Variants in NHERF1 observed in about 807,000 individuals in gnomAD.
The protein encoded by NHERF1 is NHERF family PDZ scaffold protein 1.
chr17:74,765,479 C>T, the NHERF1 span, among the ~76,000 whole-genome samples: 2 of 150,762 alleles, frequency 1.3e-5, no homozygotes, highest in Admixed American at 6.6e-5. Context: ...AGGATGGTCT[C>T]GATCTCTTGA....
the NHERF1 span, chr17:74,763,627 C>T: frequency 8.7e-7 from 1 of 1,150,060 alleles, no homozygotes; most frequent in Non-Finnish European, 1.3e-6. Context: ...GGGCAGCTTC[C>T]CGGCATGGGT....
chr17:74,764,365 C>T, the NHERF1 span, among the ~76,000 whole-genome samples: 5 of 152,206 alleles, frequency 3.3e-5, no homozygotes, highest in African/African-American at 4.8e-5. The surrounding 1 kb of genome is among the most constrained non-coding windows in gnomAD (Gnocchi z 4.9). Context: ...CCCCTTCTGG[C>T]GCAATCCAAG....
the NHERF1 span, among the ~76,000 whole-genome samples, chr17:74,751,360 A>G: frequency 6.6e-6 from 1 of 152,254 alleles, no homozygotes; most frequent in Non-Finnish European, 1.5e-5. The surrounding 1 kb of genome is among the most constrained non-coding windows in gnomAD (Gnocchi z 4.3). Flanking sequence ...CGTTTCCTAC[A>G]TAAAGCATCA....
the NHERF1 span, among the ~76,000 whole-genome samples, chr17:74,749,473 C>G: frequency 6.6e-6 from 1 of 152,204 alleles, no homozygotes; most frequent in Non-Finnish European, 1.5e-5. This position sits in a 1 kb window ranked among gnomAD's most constrained non-coding sequence, Gnocchi z 5.6. Context: ...GGGGCTGCGT[C>G]CCGCGACCTC....
At chr17:74,757,551 G>A in the NHERF1 span, among the ~76,000 whole-genome samples, 1 of 152,076 alleles carries the variant, frequency 6.6e-6, no homozygotes, top group South Asian at 2.1e-4. Context: ...CTGAGTGCCT[G>A]GAGCCCCTGG....
the NHERF1 span, among the ~76,000 whole-genome samples, chr17:74,760,005 G>A: frequency 2.0e-5 from 3 of 152,206 alleles, no homozygotes; most frequent in Non-Finnish European, 1.5e-5. The surrounding 1 kb of genome is among the most constrained non-coding windows in gnomAD (Gnocchi z 4.5). Context: ...GCTGCCCCCT[G>A]CCTGTCCTGA....
chr17:74,763,312 C>A, the NHERF1 span: 1 of 1,559,542 alleles, frequency 6.4e-7, no homozygotes, highest in Non-Finnish European at 8.7e-7. Flanking sequence ...CCTCCACTTA[C>A]CTGCCCCAGA....
At chr17:74,756,549 G>T in the NHERF1 span, among the ~76,000 whole-genome samples, 2 of 152,100 alleles carry the variant, frequency 1.3e-5, no homozygotes, top group Admixed American at 6.6e-5. Flanking sequence ...AAAATGCTGG[G>T]ATTACAAGTG....
the NHERF1 span, chr17:74,768,875 C>T: frequency 3.5e-6 from 2 of 576,250 alleles, no homozygotes; most frequent in African/African-American, 1.9e-5. Context: ...CTGCCTCCCT[C>T]CTCCTCACTG....
the NHERF1 span, among the ~76,000 whole-genome samples, chr17:74,750,968 G>A: frequency 1.3e-5 from 2 of 152,256 alleles, no homozygotes; most frequent in East Asian, 1.9e-4. Context: ...CTACATTTGT[G>A]TGTACTTTGT....
the NHERF1 span, chr17:74,748,744 C>G: frequency 4.4e-5 from 49 of 1,107,668 alleles, no homozygotes; most frequent in African/African-American, 7.7e-4. The surrounding 1 kb of genome is among the most constrained non-coding windows in gnomAD (Gnocchi z 4.3). Flanking sequence ...CTCAGGGCTT[C>G]TCTGCTGCGC....
At chr17:74,766,391 C>T in the NHERF1 span, among the ~76,000 whole-genome samples, 23 of 151,698 alleles carry the variant, frequency 1.5e-4, 1 homozygote, top group South Asian at 2.5e-3. Context: ...TTAGTAGAGA[C>T]GGGGTTTCAC....
chr17:74,761,656 A>G, the NHERF1 span, among the ~76,000 whole-genome samples: 13 of 152,270 alleles, frequency 8.5e-5, no homozygotes, highest in South Asian at 2.1e-4. The surrounding 1 kb of genome is among the most constrained non-coding windows in gnomAD (Gnocchi z 4.3). Flanking sequence ...TGAGCCACCA[A>G]TGGGGAGGGA....
chr17:74,754,533 G>A, the NHERF1 span, among the ~76,000 whole-genome samples: 2 of 151,220 alleles, frequency 1.3e-5, no homozygotes, highest in African/African-American at 2.4e-5. Context: ...CTTCCATGTA[G>A]CTAGGATTAC....
the NHERF1 span, chr17:74,768,364 C>T: frequency 6.9e-7 from 1 of 1,446,018 alleles, no homozygotes; most frequent in African/African-American, 1.4e-5. Context: ...TGTGACCTGG[C>T]TTCCCTGGGC....
the NHERF1 span, chr17:74,763,559 G>GC: frequency 2.1e-5 from 33 of 1,556,202 alleles, no homozygotes; most frequent in East Asian, 6.5e-4. Context: ...TGGGGCTGGA[G>GC]CCCCCCAAGT....
At chr17:74,768,269 T>C in the NHERF1 span, 1 of 1,538,056 alleles carries the variant, frequency 6.5e-7, no homozygotes, top group South Asian at 1.1e-5. Context: ...GGCAACTGGG[T>C]TACAGGAAGC....
the NHERF1 span, chr17:74,748,664 C>G: frequency 3.4e-6 from 2 of 591,094 alleles, no homozygotes; most frequent in African/African-American, 1.9e-5. This position sits in a 1 kb window ranked among gnomAD's most constrained non-coding sequence, Gnocchi z 4.3. Flanking sequence ...CTGTGGTCCT[C>G]TCTCGGCTCC....
At chr17:74,761,207 C>A in the NHERF1 span, among the ~76,000 whole-genome samples, 7 of 152,324 alleles carry the variant, frequency 4.6e-5, no homozygotes, top group South Asian at 1.2e-3. The surrounding 1 kb of genome is among the most constrained non-coding windows in gnomAD (Gnocchi z 4.3). Context: ...CACAGCCACA[C>A]TGGGCTCCCT....
Sources: gnomAD v4.1 joint callset for allele counts (sites outside exome capture counted in the v4.1 genomes callset) on GRCh38, gnomAD v4.1.1 for gene constraint, Gnocchi (gnomAD v3.1) non-coding constraint, MANE v1.5 for transcripts, NCBI Gene and HGNC (gene_info 2026-07-23, HGNC 2026-07-21) for gene names.